Variants in MED28 observed in about 807,000 individuals in gnomAD.
MED28 encodes mediator complex subunit 28, also known as mediator of RNA polymerase II transcription subunit 28.
A neutral mutation model predicts 21.3 loss-of-function variants in MED28; 26 were observed. That is an observed-to-expected ratio of 1.22 (90% CI 0.89 to 1.69). MED28 has a LOEUF of 1.69. MED28 is among the 40% of genes most tolerant of loss of function. The pLI, the probability that MED28 is intolerant of heterozygous loss-of-function variation, is 0.00. For synonymous variants in MED28, 110 were observed against 87.6 expected, an observed-to-expected ratio of 1.26 and a Z score of -1.43; for missense variants, 257 against 215.4, an observed-to-expected ratio of 1.19 and a Z score of -1.21.
rs1290468916 is a variant in MED28 at position 17,629,871 on chromosome 4, T to C, written c.*6073T>C. The C allele has an allele frequency of 6.6e-6, 1 of 152,234 alleles. No individual in the cohort carries two copies. Among genetic ancestry groups the C allele is most frequent in the Non-Finnish European group, 1.5e-5 (1 of 68,046 alleles). The allele number at this position is 152,234 out of a possible 1,614,324, so 9.4% of individuals were successfully genotyped here. On this transcript the variant is annotated 3_prime_UTR_variant, in exon 4 of 4. Coordinates refer to ENST00000237380, the MANE Select transcript of MED28 (RefSeq NM_025205.5). The stretch of plus-strand genomic sequence containing the variant: ...TAAGGGTGTAAATTGTTAGAAACTT[T>C]CTGAATGGCAGTTTGGTAATAACAA...
chr4:17,619,488 G>A (rs1714554265), intron 1 of MED28, among the ~76,000 whole-genome samples: 1 of 152,334 alleles, frequency 6.6e-6, no homozygotes, highest in South Asian at 2.1e-4. Flanking sequence ...GCATGAGCAG[G>A]AGGGGCACAG....
At chr4:17,620,521 C>T (rs1379607669) in intron 2 of MED28, among the ~76,000 whole-genome samples, 2 of 151,962 alleles carry the variant, frequency 1.3e-5, no homozygotes, top group African/African-American at 4.8e-5. Flanking sequence ...TTAGTAGAGA[C>T]GGGGTTTCGC....
At position 17,628,032 on chromosome 4, in the gene MED28, C is replaced by T. The variant is rs1459216841; in HGVS notation, c.*4234C>T. The T allele has an allele frequency of 6.6e-6, 1 of 152,144 alleles. No individual in the cohort carries two copies. Among genetic ancestry groups the T allele is most frequent in the Non-Finnish European group, 1.5e-5 (1 of 68,060 alleles). The allele number at this position is 152,144 out of a possible 1,614,324, so 9.4% of individuals were successfully genotyped here. A position where few individuals can be genotyped will look rare whatever the true frequency, so the allele number is the denominator to read the frequency against. Reference sequence around the variant, plus strand: ...TGTTTCTCCTGAGAAAGAAAAAAACCACCTGTCCCTGACATTCAGAAGCTG... The same window carrying T: ...TGTTTCTCCTGAGAAAGAAAAAAACTACCTGTCCCTGACATTCAGAAGCTG... On this transcript the variant is annotated 3_prime_UTR_variant, in exon 4 of 4. Transcript: ENST00000237380.
rs1714923529 is a variant in MED28, at chr4:17,631,113, A to G, written c.*7315A>G. 1 of 152,252 alleles carries G rather than the reference A, an allele frequency of 6.6e-6. No individual in the cohort carries two copies. The highest frequency in any genetic ancestry group is 2.4e-5 in the African/African-American group (1 of 41,468). 9.4% of individuals were successfully genotyped at this position (152,252 alleles called of 1,614,324 possible). A position where few individuals can be genotyped will look rare whatever the true frequency, so the allele number is the denominator to read the frequency against. ...AGCAAGGTCAGCACCGTGAACAGCC[A>G]TTGCGGTTCCTTTAACCCACTGGGA... On this transcript the variant is annotated 3_prime_UTR_variant, in exon 4 of 4. Transcript: ENST00000237380.
At chr4:17,615,391 G>T (rs1714418438) in intron 1 of MED28, among the ~76,000 whole-genome samples, 1 of 152,182 alleles carries the variant, frequency 6.6e-6, no homozygotes, top group Admixed American at 6.5e-5. Flanking sequence ...TGTATATTGA[G>T]GGAAGATAGA....
At chr4:17,621,540 G>C in intron 2 of MED28, 47 bp from the exon 3 acceptor site, 1 of 1,263,980 alleles carries the variant, frequency 7.9e-7, no homozygotes, top group Non-Finnish European at 1.1e-6. Context: ...AGATAAATGA[G>C]TCTGTTGTTT....
rs1714641909 is a variant in MED28 at position 17,621,703 on chromosome 4, T to C, written c.339+4T>C. 6.3e-7 allele frequency: 1 copy of C among 1,589,838 alleles called. No homozygotes were observed. Among genetic ancestry groups the C allele is most frequent in the Non-Finnish European group, 8.6e-7 (1 of 1,162,926 alleles). On this transcript the variant is annotated splice_donor_region_variant and intron_variant, in intron 3 of 3. Coordinates refer to ENST00000237380, the MANE Select transcript of MED28 (RefSeq NM_025205.5). ...ACCAGAGCAAGTTATCAAAGAGGTA[T>C]GAACTCAGTTTTCTCCTCAGCTCTA...
In MED28 at chr4:17,629,530, T is replaced by C. The variant is rs912551026; in HGVS notation, c.*5732T>C. 1 of 152,186 alleles carries C rather than the reference T, an allele frequency of 6.6e-6. No homozygotes were observed. The highest frequency in any genetic ancestry group is 2.4e-5 in the African/African-American group (1 of 41,434). 9.4% of individuals were successfully genotyped at this position (152,186 alleles called of 1,614,324 possible). ...TTACCTACCCCAATTACAAAACAGT[T>C]TGCTTTCATGTGGAACAGATAGTAT... On this transcript the variant is annotated 3_prime_UTR_variant, in exon 4 of 4. Coordinates refer to ENST00000237380, the MANE Select transcript of MED28 (RefSeq NM_025205.5).
chr4:17,632,107 G>C lies in MED28; in HGVS notation c.*8309G>C. 1 of 112,536 alleles carries C rather than the reference G, an allele frequency of 8.9e-6. No homozygotes were observed. The highest frequency in any genetic ancestry group is 1.8e-5 in the Non-Finnish European group (1 of 55,724). 7.0% of individuals were successfully genotyped at this position (112,536 alleles called of 1,614,324 possible). The stretch of plus-strand genomic sequence containing the variant: ...TTTTTTGGAGACAGGGTCTCCCTCT[G>C]TCACCCAGGCTGGTTGGAATGCAGG... On this transcript the variant is annotated 3_prime_UTR_variant, in exon 4 of 4. Transcript: ENST00000237380.
At position 17,614,684 on chromosome 4, in the gene MED28, T is replaced by G. The variant is rs1415940568; in HGVS notation, c.30T>G (p.Ser10=). ...CGGCTCCACTAGGGGGTATGTTTTC[T>G]GGGCAGCCACCCGGTCCCCCTCAGG... MAAPLGGMF[S]GQPPGPPQAP... The change falls in exon 1 of 4, where the codon TCT becomes TCG. Residue 10 remains serine (S), a synonymous_variant. Transcript: ENST00000237380. The G allele has an allele frequency of 6.2e-7, 1 of 1,613,564 alleles. No individual in the cohort carries two copies. Among genetic ancestry groups the G allele is most frequent in the South Asian group, 1.1e-5 (1 of 91,064 alleles).
rs1714814160 is a variant in MED28 at position 17,628,114 on chromosome 4, A to C, written c.*4316A>C. On this transcript the variant is annotated 3_prime_UTR_variant, in exon 4 of 4. Transcript: ENST00000237380. ...TGGACATAAACAGTCTCTGAATGCC[A>C]ACCCCAAAGTTGCTCTCAGGCCATG... The C allele has an allele frequency of 6.6e-6, 1 of 152,196 alleles. No individual in the cohort carries two copies. Among genetic ancestry groups the C allele is most frequent in the Admixed American group, 6.6e-5 (1 of 15,262 alleles). The allele number at this position is 152,196 out of a possible 1,614,324, so 9.4% of individuals were successfully genotyped here. A position where few individuals can be genotyped will look rare whatever the true frequency, so the allele number is the denominator to read the frequency against.
At chr4:17,619,760 C>T (rs7673500) in intron 1 of MED28, 141 bp from the exon 2 acceptor site, 421,052 of 681,918 alleles carry the variant, frequency 0.62, 133,657 homozygotes, top group East Asian at 0.9. Flanking sequence ...TTTCCATTGG[C>T]ATGGTGTCTT....
Position 17,633,722 on chromosome 4 carries a change from G to T in MED28, c.*9924G>T. 1 of 1,548,540 alleles carries T rather than the reference G, an allele frequency of 6.5e-7. No individual in the cohort carries two copies. Among genetic ancestry groups the T allele is most frequent in the East Asian group, 2.5e-5 (1 of 40,654 alleles). ...AGTTTTTGCATCTGTAGACTGGTTG[G>T]GTTTGTAGGTCCGGCCACAGCTGGG... On this transcript the variant is annotated 3_prime_UTR_variant, in exon 4 of 4. Transcript: ENST00000237380.
rs558540013 is a variant in MED28, at chr4:17,617,480, A to C, written c.160-2421A>C. ...GAGACCATCTAGTTCCATTTCCTCCATTCATAGGTAGAGAAACTGAGGCTC... is the reference window on the plus strand; with the variant it reads ...GAGACCATCTAGTTCCATTTCCTCCCTTCATAGGTAGAGAAACTGAGGCTC... On this transcript the variant is annotated intron_variant, in intron 1 of 3. Transcript: ENST00000237380. 3.9e-5 allele frequency among the ~76,000 whole-genome samples: 6 copies of C among 152,360 alleles called. No homozygotes were observed. The South Asian group carries it at 1.2e-3, about 32-fold the overall frequency.
Position 17,626,131 on chromosome 4 carries a change from G to T in MED28, c.*2333G>T, listed in dbSNP as rs57808747. On this transcript the variant is annotated 3_prime_UTR_variant, in exon 4 of 4. Transcript: ENST00000237380. ...TCACGCCTGTAATCCCAGCACTTTG[G>T]GGGGCTGAGGCAGGAGAATCGCTTG... 0.013 allele frequency: 1,980 copies of T among 154,778 alleles called. 40 individuals are homozygous for T. The highest frequency in any genetic ancestry group is 0.045 in the African/African-American group (1,877 of 41,604). The allele number at this position is 154,778 out of a possible 1,614,324, so 9.6% of individuals were successfully genotyped here. A position where few individuals can be genotyped will look rare whatever the true frequency, so the allele number is the denominator to read the frequency against.
chr4:17,619,811 A>G, intron 1 of MED28, 90 bp from the exon 2 acceptor site: 1 of 1,118,126 alleles, frequency 8.9e-7, no homozygotes, highest in Non-Finnish European at 1.3e-6. Context: ...ACCTCATCAG[A>G]TGACTTCAGG....
chr4:17,623,459 A>G (rs1714690581), intron 3 of MED28, 142 bp from the exon 4 acceptor site: 1 of 767,552 alleles, frequency 1.3e-6, no homozygotes, highest in Non-Finnish European at 2.1e-6. Flanking sequence ...GGGTTAATCA[A>G]ATAGTGGAGC....
chr4:17,620,229 A>T (rs1448830222), intron 2 of MED28: 3 of 418,572 alleles, frequency 7.2e-6, no homozygotes, highest in East Asian at 4.4e-5. Flanking sequence ...ACTGCTTTTT[A>T]AAAAAATTTT....
In MED28 at chr4:17,620,758, A is replaced by G. The variant is rs147257479; in HGVS notation, c.226+791A>G. Among the ~76,000 whole-genome samples, 553 of 144,144 alleles carry G rather than the reference A, an allele frequency of 3.8e-3. 7 individuals are homozygous for G. The highest frequency in any genetic ancestry group is 0.025 in the South Asian group (117 of 4,620). The allele number at this position is 144,144 out of a possible 152,430, so 94.6% of individuals were successfully genotyped here. A position where few individuals can be genotyped will look rare whatever the true frequency, so the allele number is the denominator to read the frequency against. On this transcript the variant is annotated intron_variant, in intron 2 of 3. Transcript: ENST00000237380. ...TCTCACCCTTTTAAGAAAGGAGTGC[A>G]GTGGCATGATCTCTGCTCACTGCAA... is the stretch of plus-strand genomic sequence containing the variant.
Sources: gnomAD v4.1 joint callset for allele counts (sites outside exome capture counted in the v4.1 genomes callset) on GRCh38, gnomAD v4.1.1 for gene constraint, MANE v1.5 for transcripts, NCBI Gene and HGNC (gene_info 2026-07-23, HGNC 2026-07-21) for gene names.